TMEM132C: variants seen among roughly 807,000 people sequenced by gnomAD.
The protein encoded by TMEM132C is protein phosphatase 1, regulatory subunit 152.
Under a neutral mutation model 61.4 loss-of-function variants are expected in TMEM132C, and 29 were observed. That is an observed-to-expected ratio of 0.47 (90% CI 0.35 to 0.64). TMEM132C has a LOEUF of 0.64. TMEM132C is among the 30% of genes least tolerant of loss of function. TMEM132C has a pLI of 0.00. For missense variants in TMEM132C, 1,408 were observed against 1,476.9 expected (o/e 0.95, Z 0.76); for synonymous variants, 656 against 633.1 (o/e 1.04, Z -0.54).
chr12:128,516,086 C>G, intron 2 of TMEM132C, among the ~76,000 whole-genome samples: 1 of 152,128 alleles, frequency 6.6e-6, no homozygotes. Context: ...GACGACAGAA[C>G]GAGGCCTGAT....
chr12:128,289,213 C>T (rs1026291915), intron 1 of TMEM132C, among the ~76,000 whole-genome samples: 2 of 152,116 alleles, frequency 1.3e-5, no homozygotes, highest in African/African-American at 4.8e-5. Context: ...TTCATTAATG[C>T]GCATATGCAC....
At chr12:128,446,769 G>A (rs77962392) in intron 2 of TMEM132C, among the ~76,000 whole-genome samples, 2,284 of 152,260 alleles carry the variant, frequency 0.015, 59 homozygotes, top group African/African-American at 0.052. Context: ...AGTCATTACT[G>A]AAGCAGCGAT....
intron 2 of TMEM132C, among the ~76,000 whole-genome samples, chr12:128,487,400 A>T (rs1318334394): frequency 1.3e-5 from 2 of 152,046 alleles, no homozygotes; most frequent in Non-Finnish European, 2.9e-5. Context: ...ATTTTACACC[A>T]ACTGCCCCAA....
intron 6 of TMEM132C, among the ~76,000 whole-genome samples, chr12:128,695,161 A>G (rs376012124): frequency 6.6e-6 from 1 of 152,202 alleles, no homozygotes; most frequent in Non-Finnish European, 1.5e-5. Context: ...ACAAGTAGCT[A>G]TGGAGTGCCT....
At position 128,302,439 on chromosome 12, in the gene TMEM132C, T is replaced by A. The variant is rs180850268; in HGVS notation, c.85+34952T>A. ...TACTCCTCATGTTGATTCCTCTGAT[T>A]AGCTTTTCATTCCTCTCTGAAATGC... On this transcript the variant is annotated intron_variant, in intron 1 of 8. Coordinates refer to ENST00000435159, the MANE Select transcript of TMEM132C (RefSeq NM_001136103.3). 1.8e-3 allele frequency among the ~76,000 whole-genome samples: 279 copies of A among 152,340 alleles called. 1 individual carries two copies. Among genetic ancestry groups the A allele is most frequent in the South Asian group, 9.7e-3 (47 of 4,824 alleles).
intron 3 of TMEM132C, among the ~76,000 whole-genome samples, chr12:128,573,911 A>AC (rs1874994999): frequency 6.6e-6 from 1 of 151,820 alleles, no homozygotes; most frequent in Non-Finnish European, 1.5e-5. Context: ...AAAAAAAAAA[A>AC]AGAGAGTGGT....
rs1193172398 is a variant in TMEM132C, at chr12:128,669,523, C to T, written c.1412C>T (p.Ser471Leu). The T allele has an allele frequency of 1.5e-5, 23 of 1,551,502 alleles. No individual in the cohort carries two copies. In the African/African-American group the frequency reaches 1.6e-4, roughly 11 times the overall value. Residue 471 changes from serine to leucine, a missense_variant, in exon 5 of 9, where the codon TCG becomes TTG. Coordinates refer to ENST00000435159, the MANE Select transcript of TMEM132C (RefSeq NM_001136103.3). ...ENSAVMDISE[S>L]VECKSTDEDV... is the part of the protein sequence containing the mutation. ...AGTGCCGTGATGGACATCTCAGAGT[C>T]GGTGGAGTGCAAGTCCACAGACGAG...
At chr12:128,605,194 G>A (rs1876379374) in intron 3 of TMEM132C, among the ~76,000 whole-genome samples, 2 of 152,056 alleles carry the variant, frequency 1.3e-5, no homozygotes, top group Admixed American at 1.3e-4. Context: ...TATAGAGGCT[G>A]GCAAGTCCCG....
intron 8 of TMEM132C, among the ~76,000 whole-genome samples, chr12:128,701,858 C>G (rs1441830812): frequency 2.6e-5 from 4 of 151,116 alleles, no homozygotes; most frequent in Non-Finnish European, 4.4e-5. Flanking sequence ...CTACGTGGCT[C>G]TTTGCACCCC....
At chr12:128,319,825 CAA>C (rs373273389) in intron 1 of TMEM132C, among the ~76,000 whole-genome samples, 10 of 127,624 alleles carry the variant, frequency 7.8e-5, no homozygotes, top group Non-Finnish European at 8.4e-5. Flanking sequence ...GACTCCATCT[CAA>C]AAAAAAAAAA....
At chr12:128,355,327 AG>A in intron 1 of TMEM132C, among the ~76,000 whole-genome samples, 1 of 152,196 alleles carries the variant, frequency 6.6e-6, no homozygotes, top group East Asian at 1.9e-4. Context: ...GTGCCTGAGG[AG>A]GGTCCCTCTG....
At chr12:128,641,956 G>A (rs12819898) in intron 4 of TMEM132C, among the ~76,000 whole-genome samples, 4,180 of 145,400 alleles carry the variant, frequency 0.029, 70 homozygotes, top group Non-Finnish European at 0.043. Flanking sequence ...CACCATGCCC[G>A]GCTAATTTTT....
chr12:128,268,416 CG>C (rs1870391890), intron 1 of TMEM132C, among the ~76,000 whole-genome samples: 1 of 152,152 alleles, frequency 6.6e-6, no homozygotes, highest in Admixed American at 6.5e-5. Context: ...GCGGGGCAGG[CG>C]GGGAGCAAGG....
At chr12:128,454,355 A>C (rs1593059279) in intron 2 of TMEM132C, among the ~76,000 whole-genome samples, 1 of 152,344 alleles carries the variant, frequency 6.6e-6, no homozygotes, top group South Asian at 2.1e-4. Flanking sequence ...GCAGAATCCT[A>C]ATGAAGTTCA....
intron 4 of TMEM132C, among the ~76,000 whole-genome samples, chr12:128,632,639 T>G (rs1056851078): frequency 1.3e-5 from 2 of 152,206 alleles, no homozygotes; most frequent in African/African-American, 4.8e-5. Context: ...GAGCACTCAG[T>G]CTTCTGGAAG....
rs79565889 is a variant in TMEM132C at position 128,292,796 on chromosome 12, A to G, written c.85+25309A>G. On this transcript the variant is annotated intron_variant, in intron 1 of 8. Coordinates refer to ENST00000435159, the MANE Select transcript of TMEM132C (RefSeq NM_001136103.3). Reference sequence around the variant, plus strand: ...TTCATAAGTGTCTGTTAAGTGTACAATAAGAACTGTGGATCATGACACAGT... The same window carrying G: ...TTCATAAGTGTCTGTTAAGTGTACAGTAAGAACTGTGGATCATGACACAGT... Among the ~76,000 whole-genome samples, 368 of 147,598 alleles carry G rather than the reference A, an allele frequency of 2.5e-3. 8 individuals carry two copies. In the East Asian group the frequency reaches 0.027, roughly 11 times the overall value.
chr12:128,423,657 C>A (rs911732160), intron 2 of TMEM132C, among the ~76,000 whole-genome samples: 1 of 151,916 alleles, frequency 6.6e-6, no homozygotes, highest in Admixed American at 6.6e-5. Context: ...ATTGTGTGAA[C>A]CCAGGAGTTC....
At chr12:128,524,994 C>T (rs565711882) in intron 2 of TMEM132C, among the ~76,000 whole-genome samples, 1 of 152,316 alleles carries the variant, frequency 6.6e-6, no homozygotes, top group South Asian at 2.1e-4. Context: ...GAAGCTTGAT[C>T]TGGAAGGATC....
intron 2 of TMEM132C, among the ~76,000 whole-genome samples, chr12:128,416,356 G>A (rs1868782547): frequency 6.6e-6 from 1 of 152,098 alleles, no homozygotes; most frequent in Admixed American, 6.5e-5. Flanking sequence ...AATTAATACG[G>A]GGCTAAAATT....
Sources: gnomAD v4.1 joint callset for allele counts (sites outside exome capture counted in the v4.1 genomes callset) on GRCh38, gnomAD v4.1.1 for gene constraint, MANE v1.5 for transcripts, NCBI Gene and HGNC (gene_info 2026-07-23, HGNC 2026-07-21) for gene names.